The following SMARCC2 variants were observed in gnomAD, a reference collection of about 807,000 sequenced individuals.
SMARCC2 encodes the protein SWI/SNF complex subunit SMARCC2.
SMARCC2 carries 15 observed loss-of-function variants against 151.3 expected under a neutral mutation model. That is an observed-to-expected ratio of 0.10 (90% CI 0.07 to 0.15). The LOEUF is 0.15. Among genes scored for constraint, SMARCC2 ranks in the 10% least tolerant of loss-of-function variants. The pLI is 1.00. For synonymous variants in SMARCC2, 590 were observed against 609.5 expected (o/e 0.97, Z 0.47); for missense variants, 1,031 against 1,599.7 (o/e 0.64, Z 6.06).
chr12:56,185,648 T>C lies in SMARCC2; in HGVS notation c.317+507A>G, dbSNP rs1442501429. 1.8e-5 allele frequency: 3 copies of C among 166,852 alleles called. No homozygotes were observed. In the East Asian group the frequency reaches 5.1e-4, roughly 28 times the overall value. The allele number at this position is 166,852 out of a possible 1,614,324, so 10.3% of individuals were successfully genotyped here. On this transcript the variant is annotated intron_variant, in intron 3 of 28. Transcript: ENST00000550164. ...TGCCCGCCACCATGCCCGGCTAATTTTTGTATTTTAGTAGAGATGGGGTTT... is the reference window on the plus strand; with the variant it reads ...TGCCCGCCACCATGCCCGGCTAATTCTTGTATTTTAGTAGAGATGGGGTTT...
chr12:56,169,459 T>A (rs1873482490), intron 25 of SMARCC2, 70 bp downstream of exon 25: 1 of 1,525,682 alleles, frequency 6.6e-7, no homozygotes, highest in Non-Finnish European at 8.9e-7. Flanking sequence ...GAGGAAAGAT[T>A]TCCTCTAAGT....
At chr12:56,186,892 CA>C (rs1877366928) in intron 2 of SMARCC2, 1 of 232,428 alleles carries the variant, frequency 4.3e-6, no homozygotes, top group Non-Finnish European at 8.6e-6. Flanking sequence ...GATTTGAACA[CA>C]AGCCTGCACA....
rs751507687 is a variant in SMARCC2 at position 56,172,642 on chromosome 12, G to C, written c.1806C>G (p.Asp602Glu). Residue 602 changes from aspartate (D) to glutamate (E), a missense_variant, in exon 19 of 29, where the codon GAC (aspartate) becomes GAG (glutamate). Asp to Glu is a conservative substitution (Grantham distance 45). Around this residue, in one of 12 missense-constraint regions of SMARCC2, gnomAD observed 99 missense variants for 148.3 expected, o/e 0.67. Transcript: ENST00000550164. ...CTGTGCGCAGCCCAAAGTTTTGCATGTCTGTTGGTTTCTCTTTGCCTTTGT... is the reference window on the plus strand; with the variant it reads ...CTGTGCGCAGCCCAAAGTTTTGCATCTCTGTTGGTTTCTCTTTGCCTTTGT... ...FPDKGKEKPT[D>E]MQNFGLRTDM... is the part of the protein sequence containing the mutation. 1 of 1,614,226 alleles carries C rather than the reference G, an allele frequency of 6.2e-7. No homozygotes were observed. Among genetic ancestry groups the C allele is most frequent in the Non-Finnish European group, 8.5e-7 (1 of 1,180,044 alleles).
Position 56,171,645 on chromosome 12 carries a change from A to T in SMARCC2, c.2185+34T>A, listed in dbSNP as rs1433074021. 6.6e-7 allele frequency: 1 copy of T among 1,523,208 alleles called. No individual in the cohort carries two copies. Among genetic ancestry groups the T allele is most frequent in the African/African-American group, 1.4e-5 (1 of 71,782 alleles). 94.4% of individuals were successfully genotyped at this position (1,523,208 alleles called of 1,614,324 possible). ...GTAACTAGCCCTTCAAAAGCAAACT[A>T]AGAAGGCCAGGTGGAACCACCCACC... On this transcript the variant is annotated intron_variant, in intron 21 of 28. Coordinates refer to ENST00000550164, the MANE Select transcript of SMARCC2 (RefSeq NM_001330288.2). This position sits in a 1 kb window ranked among gnomAD's most constrained non-coding sequence, Gnocchi z 4.2.
At position 56,167,349 on chromosome 12, in the gene SMARCC2, A is replaced by T. The variant is rs542727167; in HGVS notation, c.2850+711T>A. On this transcript the variant is annotated intron_variant, in intron 26 of 28. Coordinates refer to ENST00000550164, the MANE Select transcript of SMARCC2 (RefSeq NM_001330288.2). The stretch of plus-strand genomic sequence containing the variant: ...GGCAACAAGAGCGAAACTCTGTCTC[A>T]AATAAATAAATAAATAAATAAATAA... Among the ~76,000 whole-genome samples, 3 of 147,754 alleles carry T rather than the reference A, an allele frequency of 2.0e-5. No homozygotes were observed. In the East Asian group the frequency reaches 5.8e-4, roughly 29 times the overall value.
In SMARCC2 at chr12:56,181,767, T is replaced by G. The variant is rs767453239; in HGVS notation, c.777A>C (p.Val259=). ...GGGAGACAGGGTTTTTGTCATCATT[T>G]ACTTCATAGTCTTCCTCATTCATCC... The part of the protein sequence containing the change: ...NEWMNEEDYE[V]NDDKNPVSRR... Residue 259 remains valine (V), a synonymous_variant, in exon 9 of 29, where the codon GTA becomes GTC. Transcript: ENST00000550164. 8.6e-5 allele frequency: 139 copies of G among 1,614,124 alleles called. No homozygotes were observed. The highest frequency in any genetic ancestry group is 1.7e-5 in the Non-Finnish European group (20 of 1,180,038).
intron 7 of SMARCC2, 23 bp downstream of exon 7, chr12:56,183,838 C>G: frequency 6.3e-7 from 1 of 1,596,108 alleles, no homozygotes; most frequent in Non-Finnish European, 8.6e-7. Context: ...ATACTTAAAC[C>G]TGCCCCAGGA....
chr12:56,182,427 C>G (rs989191412), intron 7 of SMARCC2, among the ~76,000 whole-genome samples: 1 of 151,520 alleles, frequency 6.6e-6, no homozygotes, highest in Non-Finnish European at 1.5e-5. Context: ...CGGGTTCAAG[C>G]GATTCTCCTG....
At chr12:56,167,951 A>AACACACACACACACACAC in intron 26 of SMARCC2, 109 bp downstream of exon 26, 2 of 688,526 alleles carry the variant, frequency 2.9e-6, no homozygotes, top group Non-Finnish European at 4.4e-6. Context: ...CTTTCACTGA[A>AACACACACACACACACAC]ACACACACAC....
intron 3 of SMARCC2, 84 bp from the exon 4 acceptor site, chr12:56,185,195 T>C (rs1876992206): frequency 9.1e-7 from 1 of 1,099,552 alleles, no homozygotes; most frequent in South Asian, 1.3e-5. Flanking sequence ...TGTTTGTTTT[T>C]TGAGATGGAG....
At chr12:56,180,427 G>T (rs183018960) in intron 11 of SMARCC2, among the ~76,000 whole-genome samples, 150 of 136,332 alleles carry the variant, frequency 1.1e-3, no homozygotes, top group African/African-American at 4.0e-3. Context: ...TTTTGAGATG[G>T]AGTTTTGCTC....
At chr12:56,169,414 AAAAT>A in intron 25 of SMARCC2, 111 bp downstream of exon 25, 1 of 1,312,108 alleles carries the variant, frequency 7.6e-7, no homozygotes, top group Non-Finnish European at 1.0e-6. Flanking sequence ...ATAAAAATAA[AAAAT>A]AAATAGGTCA....
chr12:56,187,445 G>C (rs1422613786), intron 1 of SMARCC2, 139 bp from the exon 2 acceptor site: 6 of 806,868 alleles, frequency 7.4e-6, no homozygotes, highest in Admixed American at 2.6e-5. Context: ...TCTCTATAAA[G>C]AAAATGGCAA....
rs752358937 is a variant in SMARCC2 at position 56,189,339 on chromosome 12, C to T, written c.111+12G>A. 4.7e-6 allele frequency: 7 copies of T among 1,484,046 alleles called. No homozygotes were observed. The South Asian group carries it at 5.1e-5, about 11-fold the overall frequency. The allele number at this position is 1,484,046 out of a possible 1,614,324, so 91.9% of individuals were successfully genotyped here. A position where few individuals can be genotyped will look rare whatever the true frequency, so the allele number is the denominator to read the frequency against. On this transcript the variant is annotated intron_variant, in intron 1 of 28. Transcript: ENST00000550164. ...CCCCCGGTCCCCGCGCGGCCCGGCC[C>T]GGCCCGCGTACCTTCTTGTAGTTCT... is the stretch of plus-strand genomic sequence containing the variant.
rs1414902947 is a variant in SMARCC2 at position 56,165,673 on chromosome 12, C to T, written c.2877G>A (p.Leu959=). 10 of 1,611,778 alleles carry T rather than the reference C, an allele frequency of 6.2e-6. No individual in the cohort carries two copies. The highest frequency in any genetic ancestry group is 8.5e-6 in the Non-Finnish European group (10 of 1,180,028). Residue 959 remains leucine, a synonymous_variant, in exon 27 of 29, where the codon CTG becomes CTA. Coordinates refer to ENST00000550164, the MANE Select transcript of SMARCC2 (RefSeq NM_001330288.2). ...EALEYQRQQL[L]ADRQAFHMEQ... ...CCATGTGGAAGGCTTGTCTGTCGGCCAGGAGCTGCTGCCTCTGATACTCCA... is the reference window on the plus strand; with the variant it reads ...CCATGTGGAAGGCTTGTCTGTCGGCTAGGAGCTGCTGCCTCTGATACTCCA...
intron 20 of SMARCC2, 178 bp downstream of exon 20, chr12:56,172,250 T>C (rs1592290334): frequency 1.7e-6 from 1 of 575,710 alleles, no homozygotes; most frequent in East Asian, 3.1e-5. Flanking sequence ...CTGGCTAATT[T>C]TTAAAATTTT....
At position 56,171,593 on chromosome 12, in the gene SMARCC2, C is replaced by T; in HGVS notation, c.2185+86G>A. ...CGCACAGACAAGGCCAGCAGGGCAG[C>T]CAAACTTGAGAGGATTCACAGTCTG... On this transcript the variant is annotated intron_variant, in intron 21 of 28. Transcript: ENST00000550164. The surrounding 1 kb of genome is among the most constrained non-coding windows in gnomAD (Gnocchi z 4.2). 6.6e-7 allele frequency: 1 copy of T among 1,506,710 alleles called. No homozygotes were observed. The highest frequency in any genetic ancestry group is 8.9e-7 in the Non-Finnish European group (1 of 1,121,280). 93.3% of individuals were successfully genotyped at this position (1,506,710 alleles called of 1,614,324 possible). A position where few individuals can be genotyped will look rare whatever the true frequency, so the allele number is the denominator to read the frequency against.
At position 56,178,106 on chromosome 12, in the gene SMARCC2, C is replaced by G. The variant is rs1875388867; in HGVS notation, c.1311-13G>C. The stretch of plus-strand genomic sequence containing the variant: ...AATGGCATGAACACTGCAAGAAAAG[C>G]CAGAATGGTTTCAGAAGAAGGCATT... On this transcript the variant is annotated splice_polypyrimidine_tract_variant and intron_variant, in intron 14 of 28. Transcript: ENST00000550164. The G allele has an allele frequency of 1.2e-6, 2 of 1,607,962 alleles. No homozygotes were observed. Among genetic ancestry groups the G allele is most frequent in the Admixed American group, 1.7e-5 (1 of 59,162 alleles).
Position 56,162,579 on chromosome 12 carries a change from CGT to C in SMARCC2, c.*1108_*1109del, listed in dbSNP as rs1192321804. ...CCGTCACAGGGGAGAAGCTGGGACA[CGT>C]GGAGCAGGAATGCGGGAAGCAGAGT... On this transcript the variant is annotated 3_prime_UTR_variant, in exon 29 of 29. Coordinates refer to ENST00000550164, the MANE Select transcript of SMARCC2 (RefSeq NM_001330288.2). The C allele has an allele frequency of 8.9e-6, 4 of 449,962 alleles. No individual in the cohort carries two copies. The highest frequency in any genetic ancestry group is 8.0e-5 in the African/African-American group (4 of 50,232). The allele number at this position is 449,962 out of a possible 1,614,324, so 27.9% of individuals were successfully genotyped here. A position where few individuals can be genotyped will look rare whatever the true frequency, so the allele number is the denominator to read the frequency against.
Sources: allele counts gnomAD v4.1 joint callset (sites outside exome capture counted in the v4.1 genomes callset), GRCh38; gene constraint gnomAD v4.1.1; regional missense constraint gnomAD v4.1.1; non-coding constraint Gnocchi (gnomAD v3.1); transcripts MANE v1.5; gene names NCBI Gene and HGNC (gene_info 2026-07-23, HGNC 2026-07-21).